LMTK2: variants seen among roughly 807,000 people sequenced by gnomAD.
The protein encoded by LMTK2 is serine/threonine-protein kinase LMTK2.
In LMTK2, 37 loss-of-function variants were observed where a neutral mutation model predicts 127.5. That is an observed-to-expected ratio of 0.29 (90% CI 0.22 to 0.38). The LOEUF (loss-of-function observed/expected upper bound fraction) is 0.38, where lower values mean the gene tolerates loss of function less well. LMTK2 is among the 10% of genes least tolerant of loss of function. The probability of loss-of-function intolerance (pLI) is 1.00; values close to 1 mark genes in which losing one functional copy is unlikely to be tolerated. For synonymous variants in LMTK2, 819 were observed against 810.1 expected (o/e 1.01, Z -0.19); for missense variants, 1,694 against 1,920.3 (o/e 0.88, Z 2.20).
chr7:98,177,137 A>G (rs998240278), intron 7 of LMTK2, among the ~76,000 whole-genome samples: 2 of 152,230 alleles, frequency 1.3e-5, no homozygotes, highest in Admixed American at 6.5e-5. Flanking sequence ...GGATGTTTAG[A>G]AAAACCAAGA....
At chr7:98,204,932 G>T (rs1214905397) in intron 13 of LMTK2, among the ~76,000 whole-genome samples, 1 of 152,166 alleles carries the variant, frequency 6.6e-6, no homozygotes, top group Non-Finnish European at 1.5e-5. Context: ...GCTGCCCCTG[G>T]AATGTTGGTT....
At position 98,146,174 on chromosome 7, in the gene LMTK2, T is replaced by C. The variant is rs575849827; in HGVS notation, c.376+4633T>C. 5.9e-5 allele frequency among the ~76,000 whole-genome samples: 9 copies of C among 152,330 alleles called. No individual in the cohort carries two copies. The East Asian group carries it at 1.7e-3, about 29-fold the overall frequency. ...GTATGTCCATCTTGATACAGACTCT[T>C]GATCTGTATGTCTGTCCCTGTGCCA... On this transcript the variant is annotated intron_variant, in intron 3 of 13. Coordinates refer to ENST00000297293, the MANE Select transcript of LMTK2 (RefSeq NM_014916.4).
intron 1 of LMTK2, among the ~76,000 whole-genome samples, chr7:98,120,391 A>T (rs1378633493): frequency 2.6e-5 from 4 of 152,196 alleles, no homozygotes; most frequent in Admixed American, 1.3e-4. Flanking sequence ...TAATTATAGG[A>T]AGTAAATCCC....
At position 98,157,251 on chromosome 7, in the gene LMTK2, C is replaced by CGGTA. The variant is rs60034734; in HGVS notation, c.570-2041_570-2038dup. 6.5e-3 allele frequency among the ~76,000 whole-genome samples: 918 copies of CGGTA among 142,038 alleles called. 3 individuals carry two copies. Among genetic ancestry groups the CGGTA allele is most frequent in the African/African-American group, 0.015 (571 of 37,878 alleles). 93.2% of individuals were successfully genotyped at this position (142,038 alleles called of 152,430 possible). On this transcript the variant is annotated intron_variant, in intron 5 of 13. Transcript: ENST00000297293. ...TGGATGACAGAGTGAGACCCTGTCT[C>CGGTA]GGTAGGTAGGTAGGTAGGTAGGTAG...
intron 1 of LMTK2, among the ~76,000 whole-genome samples, chr7:98,111,532 A>C (rs1796201176): frequency 6.6e-6 from 1 of 152,218 alleles, no homozygotes; most frequent in African/African-American, 2.4e-5. Flanking sequence ...TGCCGCTGGA[A>C]TAGCTTAAGG....
At chr7:98,181,361 C>T (rs890727368) in intron 7 of LMTK2, among the ~76,000 whole-genome samples, 7 of 152,320 alleles carry the variant, frequency 4.6e-5, no homozygotes, top group Admixed American at 3.9e-4. Context: ...TTGTAGCCTC[C>T]ATCTCAAGGA....
In LMTK2 at chr7:98,163,530, C is replaced by T. The variant is rs112612123; in HGVS notation, c.657+4105C>T. 9.2e-5 allele frequency among the ~76,000 whole-genome samples: 14 copies of T among 152,250 alleles called. No homozygotes were observed. In the East Asian group the frequency reaches 1.9e-3, roughly 21 times the overall value. ...TTCGTACATATCACTTCTGGGCTCT[C>T]GTAAACTTGAAAAGGAACAGGTTTT... On this transcript the variant is annotated intron_variant, in intron 6 of 13. Coordinates refer to ENST00000297293, the MANE Select transcript of LMTK2 (RefSeq NM_014916.4).
In LMTK2 at chr7:98,204,012, C is replaced by T. The variant is rs774314131; in HGVS notation, c.4309C>T (p.Leu1437Phe). 3.4e-5 allele frequency: 55 copies of T among 1,614,092 alleles called. No homozygotes were observed. The highest frequency in any genetic ancestry group is 4.5e-5 in the East Asian group (2 of 44,900). ...PFMSKTTSNLLSSKPSLQTSK... is the reference protein window; with the variant it reads ...PFMSKTTSNLFSSKPSLQTSK... ...TATGTCAAAGACAACAAGTAACCTG[C>T]TCAGCTCCAAGCCTTCTCTCCAAAC... The change falls in exon 13 of 14, where the codon CTC (leucine) becomes TTC (phenylalanine). Residue 1437 changes from leucine (L) to phenylalanine (F), a missense_variant. Physicochemically the swap from Leu to Phe is conservative, Grantham distance 22 (BLOSUM62 0). This residue lies in a region of LMTK2 where 554 missense variants were observed against 567.7 expected (regional missense o/e 0.98). Coordinates refer to ENST00000297293, the MANE Select transcript of LMTK2 (RefSeq NM_014916.4).
chr7:98,128,553 G>A lies in LMTK2; in HGVS notation c.104-8762G>A, dbSNP rs11980491. 1.1e-3 allele frequency among the ~76,000 whole-genome samples: 166 copies of A among 152,318 alleles called. 1 individual carries two copies. The highest frequency in any genetic ancestry group is 3.3e-3 in the African/African-American group (139 of 41,578). ...TAGCAGCCCTAGCAAACTGATACGC[G>A]CAGTGTTCAGACTAAAACAAATTTA... On this transcript the variant is annotated intron_variant, in intron 1 of 13. Coordinates refer to ENST00000297293, the MANE Select transcript of LMTK2 (RefSeq NM_014916.4).
At chr7:98,197,411 A>G (rs1691205769) in intron 11 of LMTK2, among the ~76,000 whole-genome samples, 3 of 152,312 alleles carry the variant, frequency 2.0e-5, no homozygotes, top group East Asian at 1.9e-4. Context: ...CACCTTTACA[A>G]TCTGCAGCCT....
chr7:98,115,409 CAAAG>C (rs1046748904), intron 1 of LMTK2, among the ~76,000 whole-genome samples: 1 of 145,464 alleles, frequency 6.9e-6, no homozygotes, highest in Admixed American at 6.9e-5. Flanking sequence ...GAGCGAGACT[CAAAG>C]AAAGAGAAAA....
chr7:98,192,644 C>T lies in LMTK2; in HGVS notation c.2179C>T (p.Gln727Ter). ...QELSENFLFL[Q>*]EKNLLKGSLS... The stretch of plus-strand genomic sequence containing the variant: ...ATTGTCAGAAAACTTTTTATTTCTT[C>T]AAGAGAAAAACTTACTAAAAGGCTC... The change falls in exon 11 of 14, where the codon CAA becomes TAA. Residue 727 changes from glutamine to a stop codon, truncating the protein, a stop_gained. Transcript: ENST00000297293. LOFTEE classifies it high-confidence loss of function. 6.2e-7 allele frequency: 1 copy of T among 1,611,216 alleles called. No individual in the cohort carries two copies. The highest frequency in any genetic ancestry group is 8.5e-7 in the Non-Finnish European group (1 of 1,179,224).
rs375555607 is a variant in LMTK2 at position 98,194,452 on chromosome 7, C to T, written c.3987C>T (p.His1329=). 439 of 1,614,056 alleles carry T rather than the reference C, an allele frequency of 2.7e-4. No individual in the cohort carries two copies. The highest frequency in any genetic ancestry group is 3.5e-4 in the Non-Finnish European group (410 of 1,180,032). Residue 1329 remains histidine (H), a synonymous_variant, in exon 11 of 14, where the codon CAC becomes CAT. Transcript: ENST00000297293. The surrounding 1 kb of genome is among the most constrained non-coding windows in gnomAD (Gnocchi z 5.4). ...TCCTCAGCAACGAGGACGGAAGGCA[C>T]CTGCGGAGTCTGTTGAAGCCCACAG... The part of the protein sequence containing the change: ...PIILSNEDGR[H]LRSLLKPTAA...
rs1289203645 is a variant in LMTK2, at chr7:98,208,425, CAGT to C, written c.*2934_*2936del. The C allele has an allele frequency of 6.6e-6, 1 of 152,084 alleles. No individual in the cohort carries two copies. Among genetic ancestry groups the C allele is most frequent in the Non-Finnish European group, 1.5e-5 (1 of 68,020 alleles). 9.4% of individuals were successfully genotyped at this position (152,084 alleles called of 1,614,324 possible). ...ATTTTTTAACTAATAAGTTGGTTAT[CAGT>C]GGTGGGTTTTCAAAATGTACTTGTT... is the stretch of plus-strand genomic sequence containing the variant. On this transcript the variant is annotated 3_prime_UTR_variant, in exon 14 of 14. Coordinates refer to ENST00000297293, the MANE Select transcript of LMTK2 (RefSeq NM_014916.4).
At chr7:98,203,146 AGAAGACCCCCTTCCTGCTCC>A (rs1386035923) in intron 11 of LMTK2, among the ~76,000 whole-genome samples, 1 of 152,224 alleles carries the variant, frequency 6.6e-6, no homozygotes, top group Non-Finnish European at 1.5e-5. Context: ...TCTGAGCATC[AGAAGACCCCCTTCCTGCTCC>A]GAAGCCAGAA....
chr7:98,149,800 A>T (rs1218700641), intron 3 of LMTK2, among the ~76,000 whole-genome samples: 1 of 152,262 alleles, frequency 6.6e-6, no homozygotes, highest in East Asian at 1.9e-4. Context: ...AATTAAAATT[A>T]AAATTTAAAG....
intron 1 of LMTK2, among the ~76,000 whole-genome samples, chr7:98,120,679 G>C (rs901676657): frequency 2.6e-5 from 4 of 152,054 alleles, no homozygotes; most frequent in African/African-American, 9.7e-5. Context: ...TTCTTTCCTG[G>C]CAATTTGCCC....
At chr7:98,198,196 CCTT>C (rs1293819745) in intron 11 of LMTK2, among the ~76,000 whole-genome samples, 2 of 148,502 alleles carry the variant, frequency 1.3e-5, no homozygotes, top group Non-Finnish European at 3.0e-5. Flanking sequence ...CTTCTTTTCT[CCTT>C]TTTTTTTTTT....
At chr7:98,140,147 CTTTT>C (rs1796665093) in intron 2 of LMTK2, among the ~76,000 whole-genome samples, 6 of 62,720 alleles carry the variant, frequency 9.6e-5, no homozygotes, top group Non-Finnish European at 1.3e-4. Context: ...TCTTTCTTTT[CTTTT>C]CTTTTCTTTT....
Sources: gnomAD v4.1 joint callset for allele counts (sites outside exome capture counted in the v4.1 genomes callset) on GRCh38, gnomAD v4.1.1 for gene constraint, gnomAD v4.1.1 regional missense constraint, Gnocchi (gnomAD v3.1) non-coding constraint, MANE v1.5 for transcripts, NCBI Gene and HGNC (gene_info 2026-07-23, HGNC 2026-07-21) for gene names.